SLIT3: variants seen among roughly 807,000 people sequenced by gnomAD.
SLIT3 encodes slit guidance ligand 3.
A neutral mutation model predicts 184.0 loss-of-function variants in SLIT3; 68 were observed. That is an observed-to-expected ratio of 0.37 (90% CI 0.30 to 0.45). The LOEUF (loss-of-function observed/expected upper bound fraction) is 0.45. SLIT3 is among the 20% of genes least tolerant of loss of function. The probability of loss-of-function intolerance (pLI) is 1.00; values close to 1 mark genes in which losing one functional copy is unlikely to be tolerated. For synonymous variants in SLIT3, 831 were observed against 828.6 expected (o/e 1.00, Z -0.05); for missense variants, 1,707 against 2,026.0 (o/e 0.84, Z 3.02).
intron 19 of SLIT3, among the ~76,000 whole-genome samples, 178 bp from the exon 20 acceptor site, chr5:168,748,612 T>C (rs561815556): frequency 6.6e-6 from 1 of 152,146 alleles, no homozygotes; most frequent in Non-Finnish European, 1.5e-5. Context: ...TCGCCTACCT[T>C]TTACCTCATT....
intron 4 of SLIT3, among the ~76,000 whole-genome samples, chr5:169,173,693 C>T (rs1762884088): frequency 6.6e-6 from 1 of 152,160 alleles, no homozygotes. Flanking sequence ...ATGTATTTTC[C>T]CTATTTTCAG....
At chr5:168,904,169 G>C (rs1760968050) in intron 4 of SLIT3, among the ~76,000 whole-genome samples, 1 of 152,170 alleles carries the variant, frequency 6.6e-6, no homozygotes, top group African/African-American at 2.4e-5. Flanking sequence ...TGAGTAGGGG[G>C]AGACAATGAA....
rs1451581882 is a variant in SLIT3, at chr5:169,196,687, A to G, written c.342-3137T>C. 5.3e-5 allele frequency among the ~76,000 whole-genome samples: 8 copies of G among 152,076 alleles called. No homozygotes were observed. The South Asian group carries it at 1.7e-3, about 32-fold the overall frequency. On this transcript the variant is annotated intron_variant, in intron 3 of 35. Coordinates refer to ENST00000519560, the MANE Select transcript of SLIT3 (RefSeq NM_003062.4). Reference sequence around the variant, plus strand: ...GCAGGATTTGCACCCAGTCGGTCAGACTCCAGAGCTCTAGTTCTGAACCAC... The same window carrying G: ...GCAGGATTTGCACCCAGTCGGTCAGGCTCCAGAGCTCTAGTTCTGAACCAC...
intron 4 of SLIT3, among the ~76,000 whole-genome samples, chr5:169,067,211 A>G (rs976014001): frequency 6.6e-6 from 1 of 152,024 alleles, no homozygotes; most frequent in African/African-American, 2.4e-5. Context: ...GGAGTTTGGG[A>G]CCAGCCTGGC....
rs940555705 is a variant in SLIT3 at position 168,858,055 on chromosome 5, G to T, written c.486-13400C>A. Among the ~76,000 whole-genome samples, 4 of 152,296 alleles carry T rather than the reference G, an allele frequency of 2.6e-5. No homozygotes were observed. The East Asian group carries it at 7.7e-4, about 29-fold the overall frequency. On this transcript the variant is annotated intron_variant, in intron 5 of 35. Transcript: ENST00000519560. ...AACAGCATATTTTCCCATCCCATTT[G>T]TCACAGAAACAGCTTTTAAGGAGCA... is the stretch of plus-strand genomic sequence containing the variant.
chr5:168,809,656 T>C (rs940134626), intron 8 of SLIT3, among the ~76,000 whole-genome samples: 1 of 152,110 alleles, frequency 6.6e-6, no homozygotes, highest in Non-Finnish European at 1.5e-5. Context: ...GGCAGTGGTG[T>C]TTTTGGTCTT....
At chr5:169,061,815 C>T (rs750271118) in intron 4 of SLIT3, among the ~76,000 whole-genome samples, 23 of 152,122 alleles carry the variant, frequency 1.5e-4, no homozygotes, top group Non-Finnish European at 3.2e-4. Flanking sequence ...CCCTCAGAAA[C>T]AATCCCCTCC....
intron 4 of SLIT3, among the ~76,000 whole-genome samples, chr5:169,090,798 G>A (rs1164381330): frequency 6.6e-6 from 1 of 152,218 alleles, no homozygotes; most frequent in African/African-American, 2.4e-5. Context: ...GAAGCTGGAG[G>A]AGACGGGGAA....
intron 4 of SLIT3, among the ~76,000 whole-genome samples, chr5:169,092,383 C>T (rs750158552): frequency 3.3e-5 from 5 of 152,056 alleles, no homozygotes; most frequent in South Asian, 2.1e-4. Context: ...TGGACCATAG[C>T]GGAGATGTAC....
At chr5:169,053,003 T>C (rs1202227994) in intron 4 of SLIT3, among the ~76,000 whole-genome samples, 8 of 152,084 alleles carry the variant, frequency 5.3e-5, no homozygotes, top group Admixed American at 5.2e-4. Flanking sequence ...ATCAAAGAGG[T>C]TGAGCTATCG....
At chr5:169,073,242 T>C (rs575939648) in intron 4 of SLIT3, among the ~76,000 whole-genome samples, 1 of 152,100 alleles carries the variant, frequency 6.6e-6, no homozygotes, top group Non-Finnish European at 1.5e-5. Context: ...TCCAGAGGCA[T>C]TAGCACATTA....
At chr5:168,753,212 T>G in intron 17 of SLIT3, 114 bp from the exon 18 acceptor site, 1 of 1,109,538 alleles carries the variant, frequency 9.0e-7, no homozygotes, top group Non-Finnish European at 1.3e-6. Flanking sequence ...AATTCTAAGC[T>G]CAGTCCAGCC....
intron 4 of SLIT3, among the ~76,000 whole-genome samples, chr5:168,932,383 CACACACACT>C (rs1762016815): frequency 6.7e-6 from 1 of 149,210 alleles, no homozygotes; most frequent in East Asian, 2.0e-4. Context: ...CACACACACA[CACACACACT>C]ACACACACCC....
chr5:168,844,544 T>C (rs771670585), intron 6 of SLIT3, 40 bp downstream of exon 6: 1 of 1,581,440 alleles, frequency 6.3e-7, no homozygotes, highest in Non-Finnish European at 8.7e-7. Context: ...TACACACACA[T>C]GCACGCACAC....
intron 22 of SLIT3, among the ~76,000 whole-genome samples, 179 bp downstream of exon 22, chr5:168,722,754 A>G (rs11746295): frequency 0.15 from 22,985 of 152,252 alleles, 2,311 homozygotes; most frequent in Non-Finnish European, 0.22. Flanking sequence ...CTGCCTGGAC[A>G]GTGGAGGGCT....
intron 3 of SLIT3, among the ~76,000 whole-genome samples, chr5:169,221,952 T>C (rs557016766): frequency 1.3e-5 from 2 of 152,314 alleles, no homozygotes; most frequent in African/African-American, 4.8e-5. Flanking sequence ...ATACATAGGA[T>C]GTACAGGACA....
chr5:168,768,799 G>A (rs1375108974), intron 14 of SLIT3, among the ~76,000 whole-genome samples: 1 of 152,140 alleles, frequency 6.6e-6, no homozygotes. Context: ...CCACAATTCA[G>A]GAGTCTCCTT....
chr5:168,796,744 G>A (rs1368128205), intron 9 of SLIT3, among the ~76,000 whole-genome samples: 1 of 152,162 alleles, frequency 6.6e-6, no homozygotes, highest in Admixed American at 6.5e-5. Context: ...GTATTAATTT[G>A]TGCCTCTGTG....
At chr5:169,031,588 G>GAAGCTAGATTT (rs1757027788) in intron 4 of SLIT3, among the ~76,000 whole-genome samples, 1 of 152,196 alleles carries the variant, frequency 6.6e-6, no homozygotes, top group African/African-American at 2.4e-5. Flanking sequence ...GAACAGCACC[G>GAAGCTAGATTT]TCTGGCATGA....
Sources: gnomAD v4.1 joint callset for allele counts (sites outside exome capture counted in the v4.1 genomes callset) on GRCh38, gnomAD v4.1.1 for gene constraint, MANE v1.5 for transcripts, NCBI Gene and HGNC (gene_info 2026-07-23, HGNC 2026-07-21) for gene names.